MYL5: variants seen among roughly 807,000 people sequenced by gnomAD.
MYL5 encodes myosin light chain 5.
In MYL5, 28 loss-of-function variants were observed where a neutral mutation model predicts 20.8. That is an observed-to-expected ratio of 1.35 (90% CI 1.00 to 1.84). The LOEUF is 1.84. Ranked by LOEUF, MYL5 falls within the 40% of genes most tolerant of loss-of-function variation. MYL5 has a pLI of 0.00. For missense variants in MYL5, 274 were observed against 227.3 expected, an observed-to-expected ratio of 1.21 and a Z score of -1.32; for synonymous variants, 118 against 87.4, an observed-to-expected ratio of 1.35 and a Z score of -1.95.
Position 681,183 on chromosome 4 carries a change from G to A in MYL5, c.420+43G>A, listed in dbSNP as rs770470611. The A allele has an allele frequency of 8.5e-5, 134 of 1,576,372 alleles. 3 individuals carry two copies. In the Middle Eastern group the frequency reaches 8.0e-3, roughly 94 times the overall value. Reference sequence around the variant, plus strand: ...CCTGCCAAGCCCACGAGGGGAGGGCGGGGCTCCCGGGGTCAGCTGGGTGGA... The same window carrying A: ...CCTGCCAAGCCCACGAGGGGAGGGCAGGGCTCCCGGGGTCAGCTGGGTGGA... On this transcript the variant is annotated intron_variant, in intron 6 of 6. Coordinates refer to ENST00000400159, the Ensembl canonical transcript of MYL5.
upstream of MYL5, among the ~76,000 whole-genome samples, chr4:677,367 G>A (rs540952644): frequency 6.6e-6 from 1 of 152,316 alleles, no homozygotes; most frequent in Admixed American, 6.5e-5. Flanking sequence ...TAGTGGGGAA[G>A]ACCAGGCTCA....
chr4:681,268 C>CG (rs1739468028), intron 6 of MYL5, 128 bp downstream of exon 8: 16 of 1,127,806 alleles, frequency 1.4e-5, no homozygotes, highest in South Asian at 2.8e-5. Context: ...AACAGGCCCC[C>CG]GGGGGGCTCC....
exon 2 of MYL5, chr4:678,753 G>A (rs746044134): frequency 3.7e-6 from 6 of 1,610,356 alleles, no homozygotes; most frequent in Non-Finnish European, 5.1e-6. Context: ...CTCAGATCCA[G>A]GAGTTCAAGG....
chr4:680,120 G>T, intron 4 of MYL5, 102 bp downstream of exon 6: 1 of 1,159,758 alleles, frequency 8.6e-7, no homozygotes, highest in Non-Finnish European at 1.2e-6. Flanking sequence ...CTCTGGAGAA[G>T]CCCTAGGGCC....
At chr4:680,053 C>G in intron 4 of MYL5, 35 bp downstream of exon 6, 1 of 1,499,832 alleles carries the variant, frequency 6.7e-7, no homozygotes, top group East Asian at 2.3e-5. Context: ...GCCCTCCTAG[C>G]TAATTCCTAA....
At chr4:677,902 C>A, upstream of MYL5, 1 of 1,543,400 alleles carries the variant, frequency 6.5e-7, no homozygotes, top group Non-Finnish European at 9.0e-7. Flanking sequence ...CCTGGGGTAG[C>A]CCCAAGCCTG....
exon 5 of MYL5, chr4:680,514 G>T (rs752115083): frequency 6.2e-7 from 1 of 1,613,258 alleles, no homozygotes; most frequent in South Asian, 1.1e-5. Flanking sequence ...GGCAGGTACC[G>T]ACGCCGAGGA....
At chr4:675,616 ACTGGGCT>A (rs1389267785), upstream of MYL5, 1 of 152,610 alleles carries the variant, frequency 6.6e-6, no homozygotes, top group African/African-American at 2.4e-5. Flanking sequence ...CTAGGAAGTC[ACTGGGCT>A]CTGTTTCCTG....
chr4:680,563 G>A (rs764019768), exon 5 of MYL5: 6 of 1,613,434 alleles, frequency 3.7e-6, no homozygotes, highest in East Asian at 2.2e-5. Context: ...GACCCGGACG[G>A]GAAAGGGAAA....
upstream of MYL5, chr4:677,784 G>C (rs2109326154): frequency 1.6e-6 from 1 of 627,288 alleles, no homozygotes; most frequent in East Asian, 2.8e-5. Flanking sequence ...ATGGGAGGTA[G>C]TCCTGGCCAG....
chr4:679,865 C>A, intron 3 of MYL5, 49 bp from the exon 6 acceptor site: 1 of 1,541,428 alleles, frequency 6.5e-7, no homozygotes, highest in Non-Finnish European at 9.0e-7. Context: ...GCTGGTGGCA[C>A]AGGGCAGGCA....
In MYL5 at chr4:678,443, C is replaced by T; in HGVS notation, c.4-215C>T. The T allele has an allele frequency of 2.1e-6, 3 of 1,427,680 alleles. No homozygotes were observed. In the South Asian group the frequency reaches 4.5e-5, roughly 22 times the overall value. 88.4% of individuals were successfully genotyped at this position (1,427,680 alleles called of 1,614,324 possible). ...CTTCTGGAAGCCACTGTCCCTCCCCCAGTCCCTGTGCTGAAGCCAGACACC... is the reference window on the plus strand; with the variant it reads ...CTTCTGGAAGCCACTGTCCCTCCCCTAGTCCCTGTGCTGAAGCCAGACACC... On this transcript the variant is annotated intron_variant, in intron 1 of 6. Coordinates refer to ENST00000400159, the Ensembl canonical transcript of MYL5.
upstream of MYL5, chr4:676,989 C>T (rs1345311099): frequency 1.1e-6 from 1 of 939,442 alleles, no homozygotes; most frequent in Non-Finnish European, 1.3e-6. Flanking sequence ...GACCTCTGCT[C>T]AAGAGACATG....
At chr4:681,563 C>G (rs1331325177) in intron 6 of MYL5, among the ~76,000 whole-genome samples, 1 of 148,378 alleles carries the variant, frequency 6.7e-6, no homozygotes, top group African/African-American at 2.5e-5. Context: ...GGGCCGAGCC[C>G]GACACGTGCG....
chr4:679,312 C>T (rs1739203264), intron 3 of MYL5: 1 of 578,616 alleles, frequency 1.7e-6, no homozygotes, highest in Non-Finnish European at 3.1e-6. Flanking sequence ...GGCTGACTCT[C>T]TGGTAGGACG....
chr4:679,412 CAG>C (rs1457737987), intron 3 of MYL5, among the ~76,000 whole-genome samples: 1 of 152,198 alleles, frequency 6.6e-6, no homozygotes, highest in Non-Finnish European at 1.5e-5. Flanking sequence ...ACAGAGCTGA[CAG>C]AGGGCGTGGA....
intron 6 of MYL5, chr4:681,677 GCCGCCCCGCCCCCTC>G (rs1739628052): frequency 1.2e-4 from 2 of 16,772 alleles, no homozygotes; most frequent in African/African-American, 2.7e-4. Context: ...CCCCTCCAGC[GCCGCCCCGCCCCCTC>G]CAGCGCCGCC....
intron 3 of MYL5, 107 bp downstream of exon 5, chr4:679,140 C>T: frequency 2.8e-6 from 3 of 1,090,046 alleles, no homozygotes; most frequent in Non-Finnish European, 4.2e-6. Flanking sequence ...GGGCCCGCGC[C>T]TCAGAGGCCC....
At chr4:678,608 G>A (rs1468690962) in intron 1 of MYL5, 50 bp from the exon 4 acceptor site, 1 of 1,564,940 alleles carries the variant, frequency 6.4e-7, no homozygotes, top group Non-Finnish European at 8.7e-7. Flanking sequence ...GTGCCCTGGA[G>A]GGTTTCGTCA....
Sources: gnomAD v4.1 joint callset for allele counts (sites outside exome capture counted in the v4.1 genomes callset) on GRCh38, gnomAD v4.1.1 for gene constraint, MANE v1.5 for transcripts, NCBI Gene and HGNC (gene_info 2026-07-23, HGNC 2026-07-21) for gene names.